NDUFS7: variants seen among roughly 807,000 people sequenced by gnomAD.
NDUFS7 encodes NADH dehydrogenase [ubiquinone] iron-sulfur protein 7, mitochondrial.
A neutral mutation model predicts 31.1 loss-of-function variants in NDUFS7; 11 were observed. That is an observed-to-expected ratio of 0.35 (90% CI 0.22 to 0.59). The LOEUF is 0.59. Ranked by LOEUF, NDUFS7 falls within the 20% of genes least tolerant of loss-of-function variation. The pLI, the probability that NDUFS7 is intolerant of heterozygous loss-of-function variation, is 0.79. For synonymous variants in NDUFS7, 136 were observed against 127.9 expected (o/e 1.06, Z -0.43); for missense variants, 263 against 324.2 (o/e 0.81, Z 1.45).
In NDUFS7 at chr19:1,390,868, C is replaced by T. The variant is rs1384713638; in HGVS notation, c.229-3C>T. On this transcript the variant is annotated splice_polypyrimidine_tract_variant and splice_region_variant and intron_variant, in intron 4 of 7. Transcript: ENST00000233627. Reference sequence around the variant, plus strand: ...GCGTCTGACCCGAGCCCGGCCTCCGCAGAGTTCTCTGTGGCCCATGACCTT... The same window carrying T: ...GCGTCTGACCCGAGCCCGGCCTCCGTAGAGTTCTCTGTGGCCCATGACCTT... 1 of 1,607,344 alleles carries T rather than the reference C, an allele frequency of 6.2e-7. No individual in the cohort carries two copies. The highest frequency in any genetic ancestry group is 8.5e-7 in the Non-Finnish European group (1 of 1,179,490).
chr19:1,384,254 G>A (rs2082493266), intron 1 of NDUFS7: 1 of 454,652 alleles, frequency 2.2e-6, no homozygotes, highest in African/African-American at 2.1e-5. Context: ...CGGCCCGCGA[G>A]GCTGCTCTTG....
At chr19:1,388,015 C>A (rs2082521354) in intron 2 of NDUFS7, 168 bp downstream of exon 2, 1 of 725,472 alleles carries the variant, frequency 1.4e-6, no homozygotes, top group Non-Finnish European at 2.4e-6. Flanking sequence ...GTGCCGGGAC[C>A]CTCCCTGGGA....
chr19:1,387,696 C>G lies in NDUFS7; in HGVS notation c.17-115C>G, dbSNP rs759611487. 5.4e-6 allele frequency: 5 copies of G among 922,614 alleles called. No individual in the cohort carries two copies. In the South Asian group the frequency reaches 6.7e-5, roughly 12 times the overall value. 57.2% of individuals were successfully genotyped at this position (922,614 alleles called of 1,614,324 possible). A position where few individuals can be genotyped will look rare whatever the true frequency, so the allele number is the denominator to read the frequency against. On this transcript the variant is annotated intron_variant, in intron 1 of 7. Transcript: ENST00000233627. ...TACCTAACGTTTGTTAAGTGGCACT[C>G]GAGTTGGGATCAGAGCTAGGCTGTG... is the stretch of plus-strand genomic sequence containing the variant.
chr19:1,389,102 T>A (rs768836000), intron 4 of NDUFS7, 164 bp downstream of exon 4: 1 of 729,938 alleles, frequency 1.4e-6, no homozygotes, highest in Non-Finnish European at 2.4e-6. Context: ...TGGACAGATG[T>A]GTACACGGAC....
At chr19:1,389,756 G>T (rs1270107928) in intron 4 of NDUFS7, 4 of 342,240 alleles carry the variant, frequency 1.2e-5, no homozygotes, top group Admixed American at 4.0e-5. Flanking sequence ...GACAGCCCGG[G>T]TTCAACAATC....
At chr19:1,384,088 C>G in intron 1 of NDUFS7, 146 bp downstream of exon 1, 1 of 881,228 alleles carries the variant, frequency 1.1e-6, no homozygotes, top group Non-Finnish European at 1.6e-6. Flanking sequence ...TCCTCGGGCT[C>G]CCCGCCCGGC....
chr19:1,389,249 A>C, intron 4 of NDUFS7: 3 of 643,676 alleles, frequency 4.7e-6, no homozygotes, highest in Non-Finnish European at 5.8e-6. Flanking sequence ...ATGCACACTC[A>C]TGCGCACATA....
intron 1 of NDUFS7, among the ~76,000 whole-genome samples, chr19:1,385,868 C>A (rs564498636): frequency 1.3e-5 from 2 of 152,250 alleles, no homozygotes; most frequent in South Asian, 2.1e-4. Context: ...GCACAGAATC[C>A]CATCACCTCA....
intron 1 of NDUFS7, 114 bp from the exon 2 acceptor site, chr19:1,387,697 G>T (rs894076937): frequency 2.2e-6 from 2 of 929,168 alleles, no homozygotes; most frequent in Non-Finnish European, 1.7e-6. Context: ...AGTGGCACTC[G>T]AGTTGGGATC....
chr19:1,391,502 T>C (rs1292257637), intron 6 of NDUFS7, among the ~76,000 whole-genome samples: 2 of 119,052 alleles, frequency 1.7e-5, no homozygotes, highest in African/African-American at 2.9e-5. Context: ...TTTTTTTTTT[T>C]TGAGACAGAG....
At chr19:1,385,680 G>A (rs1176794939) in intron 1 of NDUFS7, among the ~76,000 whole-genome samples, 2 of 152,196 alleles carry the variant, frequency 1.3e-5, no homozygotes, top group Middle Eastern at 3.4e-3. Context: ...TTAGCTGAGC[G>A]TGGTAGCAGG....
At chr19:1,388,045 G>C in intron 2 of NDUFS7, 198 bp downstream of exon 2, 1 of 661,358 alleles carries the variant, frequency 1.5e-6, no homozygotes, top group Non-Finnish European at 2.7e-6. Flanking sequence ...CAGTGGCAAA[G>C]GCTGGACAGT....
chr19:1,389,826 C>T (rs551390664), intron 4 of NDUFS7: 5 of 310,960 alleles, frequency 1.6e-5, no homozygotes, highest in Admixed American at 4.7e-5. Context: ...AATGCCACGG[C>T]GAACGTCCTG....
chr19:1,393,815 T>C lies in NDUFS7; in HGVS notation c.544+485T>C. On this transcript the variant is annotated intron_variant, in intron 7 of 7. Coordinates refer to ENST00000233627, the MANE Select transcript of NDUFS7 (RefSeq NM_024407.5). This position sits in a 1 kb window ranked among gnomAD's most constrained non-coding sequence, Gnocchi z 7.3. ...TGACCATCAGGAAAACTGTTAGTAGTAATTGTTTAGTACGAGTATATCCCA... is the reference window on the plus strand; with the variant it reads ...TGACCATCAGGAAAACTGTTAGTAGCAATTGTTTAGTACGAGTATATCCCA... 2 of 364,346 alleles carry C rather than the reference T, an allele frequency of 5.5e-6. No homozygotes were observed. Among genetic ancestry groups the C allele is most frequent in the South Asian group, 6.1e-5 (2 of 32,892 alleles). The allele number at this position is 364,346 out of a possible 1,614,324, so 22.6% of individuals were successfully genotyped here. A position where few individuals can be genotyped will look rare whatever the true frequency, so the allele number is the denominator to read the frequency against.
intron 1 of NDUFS7, among the ~76,000 whole-genome samples, chr19:1,384,491 T>G (rs2082495057): frequency 6.6e-6 from 1 of 152,252 alleles, no homozygotes; most frequent in Non-Finnish European, 1.5e-5. Flanking sequence ...TGCGGACCTC[T>G]GCTCAGATAA....
chr19:1,391,283 G>C, intron 6 of NDUFS7, 118 bp downstream of exon 6: 3 of 1,314,396 alleles, frequency 2.3e-6, no homozygotes, highest in Admixed American at 4.0e-5. Context: ...ACGTGGTCCC[G>C]GCGCTGCCCT....
intron 1 of NDUFS7, among the ~76,000 whole-genome samples, chr19:1,386,035 G>A (rs1295384852): frequency 6.6e-6 from 1 of 152,202 alleles, no homozygotes; most frequent in Non-Finnish European, 1.5e-5. Context: ...ATGCCAAGAA[G>A]TAGGTCACAG....
chr19:1,393,516 A>C lies in NDUFS7; in HGVS notation c.544+186A>C. The C allele has an allele frequency of 1.4e-6, 1 of 690,756 alleles. No individual in the cohort carries two copies. Among genetic ancestry groups the C allele is most frequent in the East Asian group, 2.7e-5 (1 of 36,972 alleles). 42.8% of individuals were successfully genotyped at this position (690,756 alleles called of 1,614,324 possible). The stretch of plus-strand genomic sequence containing the variant: ...GTCCCCTGTGAGAAGTCGGCGATGT[A>C]TTCAGGCATCAGAGGGATCAGAGGG... On this transcript the variant is annotated intron_variant, in intron 7 of 7. Coordinates refer to ENST00000233627, the MANE Select transcript of NDUFS7 (RefSeq NM_024407.5). The surrounding 1 kb of genome is among the most constrained non-coding windows in gnomAD (Gnocchi z 7.3).
rs767407729 is a variant in NDUFS7, at chr19:1,395,493, G to A, written c.*5G>A. On this transcript the variant is annotated 3_prime_UTR_variant, in exon 8 of 8. Transcript: ENST00000233627. Reference sequence around the variant, plus strand: ...CAGATCTGGTACCGCAGGTAGCGCCGCCGCCGCCGCCGCCGGAGCCTGTCG... The same window carrying A: ...CAGATCTGGTACCGCAGGTAGCGCCACCGCCGCCGCCGCCGGAGCCTGTCG... The A allele has an allele frequency of 1.7e-5, 27 of 1,561,876 alleles. No individual in the cohort carries two copies. Among genetic ancestry groups the A allele is most frequent in the Admixed American group, 7.7e-5 (4 of 51,692 alleles).
Sources: allele counts gnomAD v4.1 joint callset (sites outside exome capture counted in the v4.1 genomes callset), GRCh38; gene constraint gnomAD v4.1.1; non-coding constraint Gnocchi (gnomAD v3.1); transcripts MANE v1.5; gene names NCBI Gene and HGNC (gene_info 2026-07-23, HGNC 2026-07-21).